DPH6: variants seen among roughly 807,000 people sequenced by gnomAD.
DPH6 encodes the protein diphthine--ammonia ligase.
Under a neutral mutation model 38.2 loss-of-function variants are expected in DPH6, and 33 were observed. That is an observed-to-expected ratio of 0.86 (90% CI 0.65 to 1.15). The LOEUF (loss-of-function observed/expected upper bound fraction) is 1.15, where lower values mean the gene tolerates loss of function less well. Among genes scored for constraint, DPH6 ranks in the 50% most tolerant of loss-of-function variants. The pLI, the probability that DPH6 is intolerant of heterozygous loss-of-function variation, is 0.00. For synonymous variants in DPH6, 108 were observed against 103.0 expected (o/e 1.05, Z -0.30); for missense variants, 325 against 320.0 (o/e 1.02, Z -0.12).
chr15:35,281,957 T>C (rs183940386), intron 3 of DPH6, among the ~76,000 whole-genome samples: 2 of 152,332 alleles, frequency 1.3e-5, no homozygotes, highest in East Asian at 1.9e-4. Flanking sequence ...CAGTTAGTAA[T>C]AGAACAACTA....
At chr15:35,405,574 C>T (rs1174647268) in intron 6 of DPH6, among the ~76,000 whole-genome samples, 1 of 151,978 alleles carries the variant, frequency 6.6e-6, no homozygotes, top group African/African-American at 2.4e-5. Context: ...CTTTACTGAA[C>T]TTGTTTATCA....
At chr15:35,216,423 CACTTT>C (rs1358233400), downstream of DPH6, among the ~76,000 whole-genome samples, 2 of 152,158 alleles carry the variant, frequency 1.3e-5, no homozygotes, top group Admixed American at 6.6e-5. Flanking sequence ...CTCTGACTCT[CACTTT>C]ATTTTCATAT....
At chr15:35,420,224 G>T (rs2053486980) in intron 5 of DPH6, among the ~76,000 whole-genome samples, 1 of 152,010 alleles carries the variant, frequency 6.6e-6, no homozygotes, top group Admixed American at 6.6e-5. Flanking sequence ...GAAATTAAAG[G>T]AGAAATTAAA....
the DPH6 span, among the ~76,000 whole-genome samples, chr15:35,152,568 C>G: frequency 2.6e-5 from 4 of 152,022 alleles, no homozygotes; most frequent in Non-Finnish European, 4.4e-5. Flanking sequence ...AGTGCGATCT[C>G]CGTTCACTGC....
intron 3 of DPH6, among the ~76,000 whole-genome samples, chr15:35,529,750 G>A (rs527651699): frequency 1.3e-5 from 2 of 151,948 alleles, no homozygotes; most frequent in African/African-American, 4.8e-5. Context: ...AAGAATAAGA[G>A]GATTAAGAAA....
In DPH6 at chr15:35,542,501, C is replaced by T; in HGVS notation, c.30G>A (p.Gly10=). The T allele has an allele frequency of 6.5e-7, 1 of 1,548,156 alleles. No homozygotes were observed. Among genetic ancestry groups the T allele is most frequent in the South Asian group, 1.2e-5 (1 of 84,262 alleles). Residue 10 remains glycine (G), a synonymous_variant, in exon 2 of 9, where the codon GGG becomes GGA. Transcript: ENST00000256538. Reference sequence around the variant, plus strand: ...GCATCATATTATAGCAGCTGTCCTTCCCACCACTAAACAATAAATCAAGAG... The same window carrying T: ...GCATCATATTATAGCAGCTGTCCTTTCCACCACTAAACAATAAATCAAGAG... MRVAALISG[G]KDSCYNMMQC... is the part of the protein sequence containing the mutation.
At position 35,372,081 on chromosome 15, in the gene DPH6, C is replaced by A; in HGVS notation, c.*69G>T. 6.8e-7 allele frequency: 1 copy of A among 1,468,648 alleles called. No homozygotes were observed. Among genetic ancestry groups the A allele is most frequent in the Non-Finnish European group, 9.0e-7 (1 of 1,114,730 alleles). The allele number at this position is 1,468,648 out of a possible 1,614,324, so 91.0% of individuals were successfully genotyped here. ...GAAAAAAATAAACTAGTCATAGTAA[C>A]TGAGAAAATACTATGCAATTTTTTT... On this transcript the variant is annotated 3_prime_UTR_variant, in exon 9 of 9. Coordinates refer to ENST00000256538, the MANE Select transcript of DPH6 (RefSeq NM_080650.4).
chr15:35,528,506 ATC>A (rs1415115424), intron 3 of DPH6, among the ~76,000 whole-genome samples: 3 of 152,096 alleles, frequency 2.0e-5, no homozygotes, highest in Non-Finnish European at 2.9e-5. Flanking sequence ...AGTCCAATCA[ATC>A]TCTCTAGAAT....
At chr15:35,503,051 C>T (rs1223579040) in intron 3 of DPH6, among the ~76,000 whole-genome samples, 2 of 151,076 alleles carry the variant, frequency 1.3e-5, no homozygotes, top group African/African-American at 4.8e-5. Context: ...AGAAAAAAGT[C>T]CTTGAACAGC....
At chr15:35,148,397 C>T in the DPH6 span, among the ~76,000 whole-genome samples, 1 of 152,076 alleles carries the variant, frequency 6.6e-6, no homozygotes, top group Non-Finnish European at 1.5e-5. Context: ...GTTCAGCTTA[C>T]ATATAGACTG....
rs111382772 is a variant in DPH6, at chr15:35,434,442, A to T, written c.505+16243T>A. On this transcript the variant is annotated intron_variant, in intron 5 of 8. Coordinates refer to ENST00000256538, the MANE Select transcript of DPH6 (RefSeq NM_080650.4). The stretch of plus-strand genomic sequence containing the variant: ...ATAAAGGGAAAAGCAGTAAAACAAA[A>T]AATTGATGACATAAAATGAATAAAA... Among the ~76,000 whole-genome samples the T allele has an allele frequency of 6.5e-3, 985 of 152,340 alleles. 5 individuals carry two copies. Among genetic ancestry groups the T allele is most frequent in the African/African-American group, 0.023 (946 of 41,578 alleles).
rs567026048 is a variant in DPH6, at chr15:35,353,228, C to T, written n.207+20293G>A. ...CAAAAATTTTCTCCCATTCTGTAGG[C>T]TGCCTGTTCACTCTGATGGTAGTTT... On this transcript the variant is annotated intron_variant and non_coding_transcript_variant, in intron 3 of 3. Coordinates refer to the DPH6 transcript ENST00000558973. Among the ~76,000 whole-genome samples, 416 of 152,092 alleles carry T rather than the reference C, an allele frequency of 2.7e-3. 4 individuals are homozygous for T. Among genetic ancestry groups the T allele is most frequent in the Non-Finnish European group, 5.1e-3 (347 of 67,978 alleles).
intron 3 of DPH6, among the ~76,000 whole-genome samples, chr15:35,483,724 C>T (rs58711324): frequency 0.093 from 14,164 of 152,180 alleles, 905 homozygotes; most frequent in African/African-American, 0.18. Flanking sequence ...CACATGTCCA[C>T]ATAACTTATA....
chr15:35,452,485 A>ATCTCTC (rs58439057), intron 4 of DPH6, among the ~76,000 whole-genome samples: 5 of 149,784 alleles, frequency 3.3e-5, no homozygotes, highest in East Asian at 2.0e-4. Flanking sequence ...GCCTATATTG[A>ATCTCTC]TCTCTCTCTC....
In DPH6 at chr15:35,424,652, T is replaced by C. The variant is rs145319484; in HGVS notation, c.506-13756A>G. On this transcript the variant is annotated intron_variant, in intron 5 of 8. Transcript: ENST00000256538. Reference sequence around the variant, plus strand: ...TGTACTGTAATCTGATAATTTTCTATTTCAAAATCCTTCAATAATACTTCT... The same window carrying C: ...TGTACTGTAATCTGATAATTTTCTACTTCAAAATCCTTCAATAATACTTCT... Among the ~76,000 whole-genome samples the C allele has an allele frequency of 4.0e-3, 601 of 151,754 alleles. 2 individuals carry two copies. Among genetic ancestry groups the C allele is most frequent in the African/African-American group, 0.014 (577 of 41,524 alleles).
intron 3 of DPH6, among the ~76,000 whole-genome samples, chr15:35,512,115 C>T (rs1166098210): frequency 6.6e-6 from 1 of 151,988 alleles, no homozygotes; most frequent in Non-Finnish European, 1.5e-5. Context: ...GTGGTTTAAA[C>T]CTGCAGTAAT....
chr15:35,372,916 G>C (rs1234501248), intron 8 of DPH6, among the ~76,000 whole-genome samples: 1 of 151,734 alleles, frequency 6.6e-6, no homozygotes, highest in African/African-American at 2.4e-5. Context: ...TCATTTTTAT[G>C]GTAACTAATA....
At chr15:35,437,294 T>C (rs1248072681) in intron 5 of DPH6, among the ~76,000 whole-genome samples, 1 of 152,144 alleles carries the variant, frequency 6.6e-6, no homozygotes, top group Admixed American at 6.5e-5. Context: ...GGGGCTCCTT[T>C]GAAAAAAATG....
intron 3 of DPH6, chr15:35,237,091 G>GTATT (rs1480026723): frequency 3.1e-5 from 17 of 544,502 alleles, no homozygotes; most frequent in Non-Finnish European, 5.2e-5. Flanking sequence ...TTTTGCTTAG[G>GTATT]TATTGGGTTT....
Sources: gnomAD v4.1 joint callset for allele counts (sites outside exome capture counted in the v4.1 genomes callset) on GRCh38, gnomAD v4.1.1 for gene constraint, MANE v1.5 for transcripts, NCBI Gene and HGNC (gene_info 2026-07-23, HGNC 2026-07-21) for gene names.